PKD1L1: variants seen among roughly 807,000 people sequenced by gnomAD.
PKD1L1 encodes polycystin 1 like 1, transient receptor potential channel interacting, also known as polycystin-1-like protein 1.
A neutral mutation model predicts 323.4 loss-of-function variants in PKD1L1; 236 were observed. The observed-to-expected ratio is 0.73, with a 90% CI of 0.66 to 0.81. The LOEUF (loss-of-function observed/expected upper bound fraction) is 0.81. PKD1L1 is among the 40% of genes least tolerant of loss of function. PKD1L1 has a pLI of 0.00. For synonymous variants in PKD1L1, 1,344 were observed against 1,335.0 expected, an observed-to-expected ratio of 1.01 and a Z score of -0.15; for missense variants, 3,320 against 3,508.0, an observed-to-expected ratio of 0.95 and a Z score of 1.35.
At chr7:47,864,849 T>C (rs1298307077) in intron 26 of PKD1L1, among the ~76,000 whole-genome samples, 1 of 151,904 alleles carries the variant, frequency 6.6e-6, no homozygotes, top group Non-Finnish European at 1.5e-5. Flanking sequence ...AGAGTACTCC[T>C]CCTGAGTAGC....
At chr7:47,855,734 G>T (rs1433377840) in intron 28 of PKD1L1, among the ~76,000 whole-genome samples, 1 of 128,842 alleles carries the variant, frequency 7.8e-6, no homozygotes, top group African/African-American at 3.5e-5. Context: ...AAATTAGCCG[G>T]GCGTAGTGGC....
At chr7:47,884,715 T>A in intron 18 of PKD1L1, 58 bp from the exon 19 acceptor site, 1 of 1,381,702 alleles carries the variant, frequency 7.2e-7, no homozygotes, top group Non-Finnish European at 1.0e-6. Context: ...CCCCTGAAAT[T>A]AACAGCAGCT....
intron 8 of PKD1L1, among the ~76,000 whole-genome samples, chr7:47,910,662 CT>C (rs1248397881): frequency 1.8e-3 from 228 of 126,348 alleles, no homozygotes; most frequent in Non-Finnish European, 1.7e-3. Flanking sequence ...TTCAAGTTGA[CT>C]TTTTTTTTTT....
intron 7 of PKD1L1, among the ~76,000 whole-genome samples, chr7:47,916,407 T>C (rs986887619): frequency 3.3e-5 from 5 of 152,132 alleles, no homozygotes; most frequent in African/African-American, 1.2e-4. Flanking sequence ...AATAAATAAA[T>C]GGGGGATCAC....
chr7:47,853,425 A>G (rs1785825146), intron 30 of PKD1L1, among the ~76,000 whole-genome samples, 198 bp from the exon 31 acceptor site: 1 of 151,988 alleles, frequency 6.6e-6, no homozygotes, highest in Non-Finnish European at 1.5e-5. Flanking sequence ...CCTACATAAC[A>G]CTTTCACCCT....
intron 7 of PKD1L1, 71 bp downstream of exon 7, chr7:47,929,133 A>G (rs1343294007): frequency 6.1e-6 from 9 of 1,467,196 alleles, no homozygotes; most frequent in Non-Finnish European, 7.4e-6. Context: ...TCTTTTCCCA[A>G]CACTGCCTCT....
At chr7:47,846,663 C>T (rs1785671057) in intron 32 of PKD1L1, among the ~76,000 whole-genome samples, 1 of 152,226 alleles carries the variant, frequency 6.6e-6, no homozygotes, top group African/African-American at 2.4e-5. Flanking sequence ...TATAAAGCAG[C>T]CCTTGCTCCT....
At chr7:47,795,319 A>G (rs1183628985) in intron 55 of PKD1L1, 1 of 455,410 alleles carries the variant, frequency 2.2e-6, no homozygotes. Flanking sequence ...AAGTCTCACA[A>G]GATCTGATCA....
chr7:47,855,720 C>T (rs1378852552), intron 28 of PKD1L1, among the ~76,000 whole-genome samples: 4 of 128,570 alleles, frequency 3.1e-5, no homozygotes, highest in African/African-American at 1.4e-4. Context: ...ACTAAAAATA[C>T]AAAAAATTAG....
At chr7:47,959,612 G>A in the PKD1L1 span, among the ~76,000 whole-genome samples, 1 of 117,700 alleles carries the variant, frequency 8.5e-6, no homozygotes, top group African/African-American at 2.8e-5. Context: ...GAAGTGAGGA[G>A]CCCCTCCGCC....
chr7:47,803,967 C>T (rs974768942), intron 52 of PKD1L1, among the ~76,000 whole-genome samples: 1 of 152,188 alleles, frequency 6.6e-6, no homozygotes, highest in Non-Finnish European at 1.5e-5. Context: ...TCTAGGAAGG[C>T]TGCTCCCTTC....
At chr7:47,896,278 G>A (rs1438502668) in intron 14 of PKD1L1, among the ~76,000 whole-genome samples, 14 of 141,928 alleles carry the variant, frequency 9.9e-5, no homozygotes, top group African/African-American at 3.0e-4. Flanking sequence ...GCAGTGAGCC[G>A]AGATTGCAGC....
In PKD1L1 at chr7:47,908,137, A is replaced by C; in HGVS notation, c.1342T>G (p.Ser448Ala). The C allele has an allele frequency of 6.2e-7, 1 of 1,614,214 alleles. No individual in the cohort carries two copies. The highest frequency in any genetic ancestry group is 8.5e-7 in the Non-Finnish European group (1 of 1,180,032). ...ACTTCATCTTCATGGACACTGCTGG[A>C]GTTCATGAACGCAGACACGGCCTCA... ...GHEAVSAFMN[S>A]SSVHEDEVLV... Residue 448 changes from serine to alanine, a missense_variant, in exon 9 of 57, where the codon TCC (serine) becomes GCC (alanine). By Grantham distance (99) the Ser-to-Ala change is moderately conservative. Transcript: ENST00000289672.
At chr7:47,959,328 G>C in the PKD1L1 span, among the ~76,000 whole-genome samples, 182 of 150,078 alleles carry the variant, frequency 1.2e-3, no homozygotes, top group African/African-American at 4.4e-3. Context: ...ACCCAGTCTG[G>C]AAAGTGAGGA....
intron 42 of PKD1L1, among the ~76,000 whole-genome samples, chr7:47,830,366 C>T (rs1006848879): frequency 5.9e-5 from 9 of 152,256 alleles, no homozygotes; most frequent in Admixed American, 5.2e-4. Flanking sequence ...GAAAGGAAAA[C>T]CCAACAGGCA....
intron 45 of PKD1L1, among the ~76,000 whole-genome samples, chr7:47,826,562 C>T (rs1178722561): frequency 6.6e-6 from 1 of 152,150 alleles, no homozygotes; most frequent in Non-Finnish European, 1.5e-5. Flanking sequence ...CTGTGACATG[C>T]TATTTTTTAA....
At position 47,808,416 on chromosome 7, in the gene PKD1L1, A is replaced by T. The variant is rs749450868; in HGVS notation, c.7687-29T>A. ...GAACATCCAAGAGAAAGGCCCTCAG[A>T]TGGCTCCTGAGGAAGGGCTTACCTG... On this transcript the variant is annotated intron_variant, in intron 51 of 56. Transcript: ENST00000289672. The T allele has an allele frequency of 2.5e-6, 4 of 1,612,762 alleles. No individual in the cohort carries two copies. In the African/African-American group the frequency reaches 5.3e-5, roughly 22 times the overall value.
chr7:47,827,580 T>C, intron 44 of PKD1L1, 112 bp from the exon 45 acceptor site: 1 of 875,088 alleles, frequency 1.1e-6, no homozygotes, highest in Non-Finnish European at 1.7e-6. Flanking sequence ...GCCTTCAGCC[T>C]GGCATTTGGG....
chr7:47,891,940 C>G (rs1562976386), intron 15 of PKD1L1, among the ~76,000 whole-genome samples: 2 of 152,182 alleles, frequency 1.3e-5, no homozygotes, highest in African/African-American at 4.8e-5. Flanking sequence ...CTCCTCTCAA[C>G]TCAAGAAACA....
Sources: gnomAD v4.1 joint callset for allele counts (sites outside exome capture counted in the v4.1 genomes callset) on GRCh38, gnomAD v4.1.1 for gene constraint, MANE v1.5 for transcripts, NCBI Gene and HGNC (gene_info 2026-07-23, HGNC 2026-07-21) for gene names.